TCTN2: variants seen among roughly 807,000 people sequenced by gnomAD.
TCTN2 encodes the protein tectonic family member 2, also known as tectonic-2.
Under a neutral mutation model 83.4 loss-of-function variants are expected in TCTN2, and 66 were observed. The ratio of observed to expected loss-of-function variants is 0.79; its 90% confidence interval spans 0.65 to 0.97. The LOEUF (loss-of-function observed/expected upper bound fraction) is 0.97. Ranked by LOEUF, TCTN2 falls within the 50% of genes least tolerant of loss-of-function variation. TCTN2 has a pLI of 0.00. For missense variants in TCTN2, 794 were observed against 858.1 expected (o/e 0.93, Z 0.93); for synonymous variants, 301 against 326.7 (o/e 0.92, Z 0.85).
intron 5 of TCTN2, among the ~76,000 whole-genome samples, chr12:123,680,772 C>T (rs1411979930): frequency 6.6e-6 from 1 of 151,784 alleles, no homozygotes; most frequent in Non-Finnish European, 1.5e-5. Context: ...CTACCTCGGC[C>T]TCCCAAAGTG....
chr12:123,698,995 A>T (rs1323735763), intron 13 of TCTN2, among the ~76,000 whole-genome samples: 1 of 151,928 alleles, frequency 6.6e-6, no homozygotes, highest in East Asian at 1.9e-4. Context: ...TAATTTTATG[A>T]CTCAAAATTC....
At position 123,690,507 on chromosome 12, in the gene TCTN2, C is replaced by A; in HGVS notation, c.892-26C>A. The A allele has an allele frequency of 1.9e-6, 3 of 1,614,106 alleles. No homozygotes were observed. In the East Asian group the frequency reaches 6.7e-5, roughly 36 times the overall value. On this transcript the variant is annotated intron_variant, in intron 7 of 17. Coordinates refer to ENST00000303372, the MANE Select transcript of TCTN2 (RefSeq NM_024809.5). ...TATGATTAGGAGAGAGGCCATAAATCTGTTGGCTTTGCCCTTCTCCCTCAG... is the reference window on the plus strand; with the variant it reads ...TATGATTAGGAGAGAGGCCATAAATATGTTGGCTTTGCCCTTCTCCCTCAG...
At chr12:123,685,890 ATT>A (rs60954712) in intron 5 of TCTN2, among the ~76,000 whole-genome samples, 6 of 139,196 alleles carry the variant, frequency 4.3e-5, no homozygotes, top group African/African-American at 5.3e-5. Context: ...TGCCTGGCTA[ATT>A]TTTTTTTTTT....
intron 4 of TCTN2, among the ~76,000 whole-genome samples, chr12:123,676,468 T>G (rs1955822292): frequency 6.9e-6 from 1 of 145,862 alleles, no homozygotes; most frequent in Admixed American, 7.2e-5. Context: ...CTCGAGAGGC[T>G]GAGGCAGGAG....
intron 9 of TCTN2, among the ~76,000 whole-genome samples, chr12:123,693,160 G>A (rs541977792): frequency 3.7e-4 from 55 of 150,402 alleles, no homozygotes; most frequent in Admixed American, 2.0e-4. Context: ...CTGAGTAGCT[G>A]GGATTATAGT....
rs190545457 is a variant in TCTN2 at position 123,700,454 on chromosome 12, C to T, written c.1612+644C>T. 3.5e-3 allele frequency among the ~76,000 whole-genome samples: 528 copies of T among 151,996 alleles called. 3 individuals are homozygous for T. The highest frequency in any genetic ancestry group is 0.027 in the Middle Eastern group (8 of 292). ...TTTGTTTGGTTGGTTTTTTTTGAGACGGAGTCTTGCTCTTGTCACCCATGC... is the reference window on the plus strand; with the variant it reads ...TTTGTTTGGTTGGTTTTTTTTGAGATGGAGTCTTGCTCTTGTCACCCATGC... On this transcript the variant is annotated intron_variant, in intron 14 of 17. Coordinates refer to ENST00000303372, the MANE Select transcript of TCTN2 (RefSeq NM_024809.5).
At chr12:123,704,004 CTTT>C (rs11348520) in intron 14 of TCTN2, among the ~76,000 whole-genome samples, 4,527 of 110,150 alleles carry the variant, frequency 0.041, 74 homozygotes, top group African/African-American at 0.094. Context: ...TACAAGGAAA[CTTT>C]TTTTTTTTTT....
chr12:123,671,414 G>C (rs957824142), intron 1 of TCTN2, 92 bp downstream of exon 1: 1 of 1,589,368 alleles, frequency 6.3e-7, no homozygotes, highest in African/African-American at 1.3e-5. Flanking sequence ...GGAGCTTCGG[G>C]AGTCGACAAC....
chr12:123,702,890 G>A (rs764799130), intron 14 of TCTN2, among the ~76,000 whole-genome samples: 6 of 152,196 alleles, frequency 3.9e-5, no homozygotes, highest in Admixed American at 2.0e-4. Flanking sequence ...CAGAAGAGAA[G>A]TGGTGTTGAC....
chr12:123,694,275 G>C (rs1437248594), intron 9 of TCTN2, among the ~76,000 whole-genome samples: 1 of 152,128 alleles, frequency 6.6e-6, no homozygotes, highest in Non-Finnish European at 1.5e-5. Context: ...TTACAGGCGT[G>C]AGCCACCGCA....
intron 17 of TCTN2, 199 bp downstream of exon 17, chr12:123,707,272 A>C: frequency 1.6e-6 from 1 of 626,284 alleles, no homozygotes; most frequent in East Asian, 2.8e-5. Context: ...TTTTTTAGAG[A>C]GTCTTGCTCT....
In TCTN2 at chr12:123,679,111, C is replaced by G. The variant is rs879156380; in HGVS notation, c.464-78C>G. 3 of 1,364,664 alleles carry G rather than the reference C, an allele frequency of 2.2e-6. No individual in the cohort carries two copies. The South Asian group carries it at 3.5e-5, about 16-fold the overall frequency. 84.5% of individuals were successfully genotyped at this position (1,364,664 alleles called of 1,614,324 possible). ...CGCGCCTGGCCGATAATTCAGCTTT[C>G]TTTTGAATGTCAAAAATGTGACTGT... On this transcript the variant is annotated intron_variant, in intron 4 of 17. Coordinates refer to ENST00000303372, the MANE Select transcript of TCTN2 (RefSeq NM_024809.5).
At chr12:123,690,109 T>C (rs7310918) in intron 7 of TCTN2, among the ~76,000 whole-genome samples, 54,587 of 152,080 alleles carry the variant, frequency 0.36, 10,290 homozygotes, top group African/African-American at 0.41. Context: ...CTGAAATCTT[T>C]TTTTAAGTTC....
intron 5 of TCTN2, among the ~76,000 whole-genome samples, chr12:123,684,589 C>T (rs1251593439): frequency 6.6e-6 from 1 of 151,524 alleles, no homozygotes; most frequent in Non-Finnish European, 1.5e-5. Flanking sequence ...TCAGTAGAGA[C>T]GAGTTTTGCC....
At chr12:123,673,505 T>C in intron 3 of TCTN2, 110 bp from the exon 4 acceptor site, 1 of 1,101,304 alleles carries the variant, frequency 9.1e-7, no homozygotes, top group Non-Finnish European at 1.4e-6. Context: ...ACATTTCCCT[T>C]TTATAAAATG....
intron 4 of TCTN2, among the ~76,000 whole-genome samples, chr12:123,675,925 A>G (rs1038826259): frequency 1.3e-5 from 2 of 152,152 alleles, no homozygotes; most frequent in Admixed American, 1.3e-4. Flanking sequence ...AAATCCCCCC[A>G]AAACAACAGA....
chr12:123,707,258 T>A, intron 17 of TCTN2, 185 bp downstream of exon 17: 1 of 626,920 alleles, frequency 1.6e-6, no homozygotes. Context: ...CCTACACTGT[T>A]TTTTTTTTTA....
Position 123,694,820 on chromosome 12 carries a change from G to A in TCTN2, c.1100-22G>A, listed in dbSNP as rs1389717539. 3 of 1,607,814 alleles carry A rather than the reference G, an allele frequency of 1.9e-6. No individual in the cohort carries two copies. The Admixed American group carries it at 5.0e-5, about 27-fold the overall frequency. On this transcript the variant is annotated intron_variant, in intron 9 of 17. Transcript: ENST00000303372. ...GGCTCAAAGAGGGTCTTTAATTTAT[G>A]AACATATTCTTGTATTTGCAGAAAC...
In TCTN2 at chr12:123,672,057, A is replaced by C; in HGVS notation, c.192A>C (p.Gly64=). The C allele has an allele frequency of 5.6e-6, 9 of 1,613,976 alleles. No individual in the cohort carries two copies. Among genetic ancestry groups the C allele is most frequent in the Non-Finnish European group, 7.6e-6 (9 of 1,179,930 alleles). The part of the protein sequence containing the change: ...VSLAVLQDEA[G]ILPIPTCGVL... ...TGCATGCTGGTCTTCTTTCTTTAGGAATATTGCCAATTCCGACGTGTGGAG... is the reference window on the plus strand; with the variant it reads ...TGCATGCTGGTCTTCTTTCTTTAGGCATATTGCCAATTCCGACGTGTGGAG... The change falls in exon 3 of 18, where the codon GGA becomes GGC. Residue 64 remains glycine, a splice_region_variant and synonymous_variant. Coordinates refer to ENST00000303372, the MANE Select transcript of TCTN2 (RefSeq NM_024809.5).
Sources: gnomAD v4.1 joint callset for allele counts (sites outside exome capture counted in the v4.1 genomes callset) on GRCh38, gnomAD v4.1.1 for gene constraint, MANE v1.5 for transcripts, NCBI Gene and HGNC (gene_info 2026-07-23, HGNC 2026-07-21) for gene names.